Variants in RIC3 observed in about 807,000 individuals in gnomAD.
RIC3 encodes RIC3 acetylcholine receptor chaperone.
Under a neutral mutation model 27.3 loss-of-function variants are expected in RIC3, and 28 were observed. The observed-to-expected ratio is 1.02, with a 90% CI of 0.76 to 1.41. RIC3 has a LOEUF of 1.41. RIC3 is among the 40% of genes most tolerant of loss of function. The pLI, the probability that RIC3 is intolerant of heterozygous loss-of-function variation, is 0.00. For synonymous variants in RIC3, 184 were observed against 160.4 expected (o/e 1.15, Z -1.11); for missense variants, 501 against 444.7 (o/e 1.13, Z -1.14).
intron 1 of RIC3, among the ~76,000 whole-genome samples, chr11:8,159,855 G>A (rs112365546): frequency 0.057 from 8,643 of 151,998 alleles, 313 homozygotes; most frequent in South Asian, 0.11. Context: ...TTAGCCAGGC[G>A]TGGTGGTGGA....
chr11:8,143,759 T>C (rs1269173892), intron 1 of RIC3, among the ~76,000 whole-genome samples: 9 of 152,020 alleles, frequency 5.9e-5, no homozygotes, highest in East Asian at 3.9e-4. Flanking sequence ...GGAGGCATCA[T>C]GCTACCTGAC....
At chr11:8,103,014 G>GC (rs1325983057), downstream of RIC3, 5 of 152,260 alleles carry the variant, frequency 3.3e-5, no homozygotes, top group African/African-American at 1.2e-4. Flanking sequence ...AGGAAATCAG[G>GC]CAGTTCCCTG....
At position 8,107,262 on chromosome 11, in the gene RIC3, G is replaced by A. The variant is rs1944768374; in HGVS notation, c.*3436C>T. On this transcript the variant is annotated 3_prime_UTR_variant, in exon 6 of 6. Coordinates refer to ENST00000309737, the MANE Select transcript of RIC3 (RefSeq NM_001206671.4). ...TAGTCCAGATTGAAGAGAACTTTGA[G>A]AGTGTGGTAATAATTCGGGTTTGTT... The A allele has an allele frequency of 6.6e-6, 1 of 152,206 alleles. No homozygotes were observed. Among genetic ancestry groups the A allele is most frequent in the Admixed American group, 6.5e-5 (1 of 15,288 alleles). 9.4% of individuals were successfully genotyped at this position (152,206 alleles called of 1,614,324 possible). A position where few individuals can be genotyped will look rare whatever the true frequency, so the allele number is the denominator to read the frequency against.
intron 3 of RIC3, 73 bp downstream of exon 3, chr11:8,138,199 A>T: frequency 9.2e-7 from 1 of 1,086,970 alleles, no homozygotes; most frequent in Non-Finnish European, 1.4e-6. Context: ...AGACATACCC[A>T]CAGACTGTCC....
At chr11:8,140,795 T>G in intron 1 of RIC3, among the ~76,000 whole-genome samples, 1 of 152,132 alleles carries the variant, frequency 6.6e-6, no homozygotes, top group East Asian at 1.9e-4. Context: ...CACCCCTAAC[T>G]AATACAGATA....
At chr11:8,150,843 T>C (rs1950156227) in intron 1 of RIC3, among the ~76,000 whole-genome samples, 1 of 152,176 alleles carries the variant, frequency 6.6e-6, no homozygotes, top group Admixed American at 6.5e-5. Context: ...GTTTAGACAA[T>C]AACAGAAACC....
At chr11:8,168,742 T>C in intron 1 of RIC3, 124 bp downstream of exon 1, 2 of 1,381,374 alleles carry the variant, frequency 1.4e-6, no homozygotes, top group Non-Finnish European at 1.9e-6. Flanking sequence ...TCGCCCGCCC[T>C]CTCCAGTCAG....
At chr11:8,154,869 G>A (rs1950538345) in intron 1 of RIC3, among the ~76,000 whole-genome samples, 1 of 152,030 alleles carries the variant, frequency 6.6e-6, no homozygotes, top group Non-Finnish European at 1.5e-5. Context: ...ATCTCTATAG[G>A]TACTTAAGTA....
chr11:8,122,566 A>G (rs1296197618), intron 5 of RIC3, among the ~76,000 whole-genome samples: 1 of 152,176 alleles, frequency 6.6e-6, no homozygotes, highest in African/African-American at 2.4e-5. Flanking sequence ...ACTCATATGC[A>G]AAAGTTCATA....
At chr11:8,141,494 T>C (rs902604302) in intron 1 of RIC3, among the ~76,000 whole-genome samples, 2 of 152,050 alleles carry the variant, frequency 1.3e-5, no homozygotes, top group African/African-American at 4.8e-5. Context: ...TAAATATATA[T>C]GCACCCAATA....
At chr11:8,097,794 T>G in the RIC3 span, 1 of 1,613,848 alleles carries the variant, frequency 6.2e-7, no homozygotes, top group East Asian at 2.2e-5. Flanking sequence ...CAGACTTGTC[T>G]CGAGGAGGGG....
At chr11:8,096,814 AGT>A in the RIC3 span, 3 of 1,613,992 alleles carry the variant, frequency 1.9e-6, no homozygotes, top group Non-Finnish European at 2.5e-6. Context: ...AGGGTGAGTG[AGT>A]GAGTCTGCAT....
intron 5 of RIC3, among the ~76,000 whole-genome samples, chr11:8,120,573 T>C (rs759541427): frequency 3.3e-5 from 5 of 152,156 alleles, no homozygotes; most frequent in African/African-American, 9.7e-5. Flanking sequence ...AAATACCTAA[T>C]GTAAATGATG....
At chr11:8,135,288 G>C (rs1948254548) in intron 4 of RIC3, among the ~76,000 whole-genome samples, 1 of 152,184 alleles carries the variant, frequency 6.6e-6, no homozygotes, top group African/African-American at 2.4e-5. Context: ...AGATCAGATA[G>C]TTGTAGATGT....
intron 1 of RIC3, among the ~76,000 whole-genome samples, chr11:8,154,661 C>T (rs1188485302): frequency 6.6e-6 from 1 of 151,832 alleles, no homozygotes; most frequent in African/African-American, 2.4e-5. Context: ...TTTATTTACC[C>T]CTTTTTCTGC....
chr11:8,096,221 C>T, the RIC3 span, among the ~76,000 whole-genome samples: 1 of 152,292 alleles, frequency 6.6e-6, no homozygotes, highest in South Asian at 2.1e-4. Flanking sequence ...CAGTGGGTCC[C>T]CTCCACATTG....
chr11:8,138,889 C>A, intron 2 of RIC3: 1 of 196,236 alleles, frequency 5.1e-6, no homozygotes, highest in South Asian at 1.0e-4. Context: ...AGTCGCTAGC[C>A]AATCAGCACA....
At chr11:8,144,353 T>G (rs1371174171) in intron 1 of RIC3, among the ~76,000 whole-genome samples, 1 of 149,436 alleles carries the variant, frequency 6.7e-6, no homozygotes, top group African/African-American at 2.5e-5. Context: ...AACAACCCCA[T>G]CAAAAAGTGG....
chr11:8,116,246 C>A (rs1447401820), intron 5 of RIC3, among the ~76,000 whole-genome samples: 1 of 152,084 alleles, frequency 6.6e-6, no homozygotes, highest in African/African-American at 2.4e-5. Context: ...TGAAATTAGA[C>A]CCTCATCTCA....
Sources: allele counts gnomAD v4.1 joint callset (sites outside exome capture counted in the v4.1 genomes callset), GRCh38; gene constraint gnomAD v4.1.1; transcripts MANE v1.5; gene names NCBI Gene and HGNC (gene_info 2026-07-23, HGNC 2026-07-21).